The following TTC39B variants were observed in gnomAD, a reference collection of about 807,000 sequenced individuals.
TTC39B encodes tetratricopeptide repeat domain 39B.
In TTC39B, 92 loss-of-function variants were observed where a neutral mutation model predicts 96.6. The ratio of observed to expected loss-of-function variants is 0.95; its 90% confidence interval spans 0.80 to 1.13. The LOEUF is 1.13. Among genes scored for constraint, TTC39B ranks in the 50% most tolerant of loss-of-function variants. The pLI is 0.00. For synonymous variants in TTC39B, 367 were observed against 299.4 expected (o/e 1.23, Z -2.33); for missense variants, 955 against 809.3 (o/e 1.18, Z -2.18).
chr9:15,259,376 C>A (rs560860003), intron 2 of TTC39B, among the ~76,000 whole-genome samples: 14 of 152,280 alleles, frequency 9.2e-5, no homozygotes, highest in African/African-American at 3.1e-4. Flanking sequence ...GACTCCAAAC[C>A]AGCTTACAAT....
At chr9:15,275,602 C>T (rs1032450326) in intron 1 of TTC39B, among the ~76,000 whole-genome samples, 15 of 152,044 alleles carry the variant, frequency 9.9e-5, no homozygotes, top group African/African-American at 1.9e-4. Flanking sequence ...AAGGAGGATA[C>T]GCCCATGATG....
At chr9:15,163,879 A>G (rs920997796) in exon 20 of TTC39B, 1 of 152,262 alleles carries the variant, frequency 6.6e-6, no homozygotes, top group Non-Finnish European at 1.5e-5. Context: ...AACAGGCTAC[A>G]GGAATTGTTG....
chr9:15,178,988 A>G (rs575666739), intron 17 of TTC39B, among the ~76,000 whole-genome samples: 7 of 152,354 alleles, frequency 4.6e-5, no homozygotes, highest in Admixed American at 1.3e-4. Flanking sequence ...ACGGTTCTGA[A>G]GTACATGAAA....
intron 2 of TTC39B, among the ~76,000 whole-genome samples, chr9:15,247,700 A>G (rs759056505): frequency 1.3e-5 from 2 of 152,220 alleles, no homozygotes; most frequent in African/African-American, 2.4e-5. Context: ...ACATAAATGT[A>G]TATGTGCTGT....
chr9:15,285,577 G>C (rs936455903), intron 1 of TTC39B, among the ~76,000 whole-genome samples: 2 of 152,130 alleles, frequency 1.3e-5, no homozygotes, highest in African/African-American at 4.8e-5. Flanking sequence ...TATACAGGCC[G>C]GGAGCGGTGG....
chr9:15,234,317 AG>A (rs1821646579), intron 2 of TTC39B, among the ~76,000 whole-genome samples: 1 of 143,658 alleles, frequency 7.0e-6, no homozygotes, highest in Admixed American at 6.8e-5. Flanking sequence ...TCGGGGGGTC[AG>A]CCCCCCGCCC....
chr9:15,207,436 T>G (rs581267), intron 6 of TTC39B, among the ~76,000 whole-genome samples: 7,408 of 152,272 alleles, frequency 0.049, 599 homozygotes, highest in African/African-American at 0.17. Flanking sequence ...AATAATTCAT[T>G]ATTTCCTTCA....
At chr9:15,276,547 A>ACAATACAAAGTCCAT (rs1465587384) in intron 1 of TTC39B, among the ~76,000 whole-genome samples, 6 of 152,218 alleles carry the variant, frequency 3.9e-5, no homozygotes, top group Non-Finnish European at 8.8e-5. Context: ...GTGTCCACAT[A>ACAATACAAAGTCCAT]GTCACAATAC....
intron 2 of TTC39B, among the ~76,000 whole-genome samples, chr9:15,254,861 A>AC: frequency 7.4e-6 from 1 of 134,966 alleles, no homozygotes; most frequent in African/African-American, 3.5e-5. Context: ...ACACACACAC[A>AC]AACACACACA....
At chr9:15,256,313 C>T (rs908920087) in intron 2 of TTC39B, among the ~76,000 whole-genome samples, 10 of 152,128 alleles carry the variant, frequency 6.6e-5, no homozygotes, top group African/African-American at 2.4e-4. Flanking sequence ...TACTCTTGGA[C>T]CTTGCGGCCT....
At chr9:15,228,954 G>A (rs1323610937) in intron 2 of TTC39B, among the ~76,000 whole-genome samples, 1 of 152,162 alleles carries the variant, frequency 6.6e-6, no homozygotes, top group Non-Finnish European at 1.5e-5. Flanking sequence ...GTATACACAT[G>A]TACACGAATT....
At chr9:15,225,866 G>A (rs764167103) in intron 3 of TTC39B, 51 bp downstream of exon 3, 4 of 1,516,946 alleles carry the variant, frequency 2.6e-6, no homozygotes, top group East Asian at 2.3e-5. Flanking sequence ...TCCTTCAAGG[G>A]TGGGACTGTC....
At chr9:15,229,394 C>T (rs1262511035) in intron 2 of TTC39B, among the ~76,000 whole-genome samples, 3 of 152,182 alleles carry the variant, frequency 2.0e-5, no homozygotes, top group Non-Finnish European at 4.4e-5. Context: ...TCTTGTTTGG[C>T]TTGCTATTTA....
chr9:15,302,192 G>C (rs1824614325), intron 1 of TTC39B, among the ~76,000 whole-genome samples: 1 of 151,646 alleles, frequency 6.6e-6, no homozygotes, highest in Non-Finnish European at 1.5e-5. Context: ...TGGATGTGGT[G>C]GTGGGCGCCT....
At chr9:15,296,755 C>T (rs996680755) in intron 1 of TTC39B, among the ~76,000 whole-genome samples, 8 of 152,142 alleles carry the variant, frequency 5.3e-5, no homozygotes, top group African/African-American at 1.9e-4. Flanking sequence ...CCTCGGCCTC[C>T]CAAAGTGCTG....
At chr9:15,307,185 C>T in exon 1 of TTC39B, 1 of 1,581,980 alleles carries the variant, frequency 6.3e-7, no homozygotes, top group South Asian at 1.1e-5. Flanking sequence ...CCGACTCCTG[C>T]TCTCGGCTCT....
intron 3 of TTC39B, among the ~76,000 whole-genome samples, chr9:15,219,844 T>G (rs538758228): frequency 6.6e-6 from 1 of 152,320 alleles, no homozygotes; most frequent in Non-Finnish European, 1.5e-5. Flanking sequence ...CAGGCTCTAC[T>G]GCCCCACACC....
intron 1 of TTC39B, among the ~76,000 whole-genome samples, chr9:15,292,428 T>C (rs677578): frequency 0.9 from 136,747 of 152,288 alleles, 61,450 homozygotes; most frequent in East Asian, 0.97. Context: ...CATACAATTA[T>C]GTATAGTACA....
chr9:15,284,881 C>T (rs542240379), intron 1 of TTC39B, among the ~76,000 whole-genome samples: 3 of 152,226 alleles, frequency 2.0e-5, no homozygotes, highest in Non-Finnish European at 2.9e-5. Context: ...TAAAGTATTA[C>T]TTCGAGACAA....
Sources: allele counts gnomAD v4.1 joint callset (sites outside exome capture counted in the v4.1 genomes callset), GRCh38; gene constraint gnomAD v4.1.1; transcripts MANE v1.5; gene names NCBI Gene and HGNC (gene_info 2026-07-23, HGNC 2026-07-21).